CNTN1: variants seen among roughly 807,000 people sequenced by gnomAD.
CNTN1 encodes contactin-1.
CNTN1 carries 38 observed loss-of-function variants against 126.4 expected under a neutral mutation model. The ratio of observed to expected loss-of-function variants is 0.30; its 90% CI spans 0.23 to 0.39. The LOEUF is 0.39. CNTN1 is among the 10% of genes least tolerant of loss of function. The probability of loss-of-function intolerance (pLI) is 1.00; values close to 1 mark genes in which losing one functional copy is unlikely to be tolerated. For missense variants in CNTN1, 1,009 were observed against 1,248.4 expected, an observed-to-expected ratio of 0.81 and a Z score of 2.89; for synonymous variants, 413 against 422.6, an observed-to-expected ratio of 0.98 and a Z score of 0.28.
intron 17 of CNTN1, among the ~76,000 whole-genome samples, chr12:41,007,266 T>C (rs1948522717): frequency 6.6e-6 from 1 of 151,882 alleles, no homozygotes. Flanking sequence ...TTCACCGTTT[T>C]AGCCGGGATG....
chr12:40,909,888 G>A (rs1241556602), intron 2 of CNTN1, among the ~76,000 whole-genome samples, 185 bp from the exon 3 acceptor site: 5 of 151,922 alleles, frequency 3.3e-5, no homozygotes, highest in African/African-American at 1.2e-4. Context: ...AAACTTCGGT[G>A]CTGCAACTAT....
At chr12:40,845,109 G>A (rs1490581180) in intron 1 of CNTN1, among the ~76,000 whole-genome samples, 1 of 152,136 alleles carries the variant, frequency 6.6e-6, no homozygotes, top group African/African-American at 2.4e-5. Context: ...CAATATAAAC[G>A]TAATTTTTCT....
intron 1 of CNTN1, among the ~76,000 whole-genome samples, chr12:40,836,499 A>G (rs1335132037): frequency 6.6e-6 from 1 of 151,978 alleles, no homozygotes; most frequent in African/African-American, 2.4e-5. Flanking sequence ...CCCTGTTGCC[A>G]TGGGCAAAAC....
In CNTN1 at chr12:40,818,581, A is replaced by C. The variant is rs1005444822; in HGVS notation, c.-76-89776A>C. Among the ~76,000 whole-genome samples the C allele has an allele frequency of 5.3e-5, 8 of 152,246 alleles. No homozygotes were observed. The South Asian group carries it at 1.5e-3, about 28-fold the overall frequency. ...TTAGTAATTTCTCTAACCTTTTATC[A>C]AGGTTCTTAGCTTCTTTGCATTGGG... On this transcript the variant is annotated intron_variant, in intron 1 of 23. Transcript: ENST00000551295.
At chr12:40,735,183 T>C (rs974390712) in intron 1 of CNTN1, among the ~76,000 whole-genome samples, 1 of 152,086 alleles carries the variant, frequency 6.6e-6, no homozygotes, top group African/African-American at 2.4e-5. Context: ...TCTCTCCCCA[T>C]AAACTCTCAG....
At chr12:40,994,652 G>T (rs1482268929) in intron 17 of CNTN1, among the ~76,000 whole-genome samples, 1 of 151,930 alleles carries the variant, frequency 6.6e-6, no homozygotes, top group Non-Finnish European at 1.5e-5. Flanking sequence ...CTGGCTATGT[G>T]GTATCTGTCT....
chr12:40,901,231 A>G (rs1944592765), intron 1 of CNTN1, among the ~76,000 whole-genome samples: 1 of 152,132 alleles, frequency 6.6e-6, no homozygotes, highest in African/African-American at 2.4e-5. Context: ...TAAATTCTCT[A>G]TGTTTTAGTA....
intron 1 of CNTN1, among the ~76,000 whole-genome samples, chr12:40,731,295 A>G (rs1390605256): frequency 6.6e-6 from 1 of 152,058 alleles, no homozygotes; most frequent in Non-Finnish European, 1.5e-5. Flanking sequence ...ACAATAAAGC[A>G]AATACTATGA....
chr12:40,885,660 T>G (rs1944004816), intron 1 of CNTN1, among the ~76,000 whole-genome samples: 1 of 152,074 alleles, frequency 6.6e-6, no homozygotes, highest in Non-Finnish European at 1.5e-5. Flanking sequence ...TAGTAAGTGC[T>G]ATGTATGCAT....
chr12:41,002,839 G>A (rs1163430072), intron 17 of CNTN1, among the ~76,000 whole-genome samples: 2 of 152,176 alleles, frequency 1.3e-5, no homozygotes, highest in Non-Finnish European at 2.9e-5. Context: ...TTACAGGCAT[G>A]AGCTGCTGCA....
chr12:40,711,250 AC>A (rs775065041), intron 1 of CNTN1, among the ~76,000 whole-genome samples: 2 of 151,910 alleles, frequency 1.3e-5, no homozygotes, highest in Non-Finnish European at 2.9e-5. Flanking sequence ...CTGCCTTCAA[AC>A]TTTTGGGTTA....
At chr12:40,850,423 T>C (rs1942675222) in intron 1 of CNTN1, among the ~76,000 whole-genome samples, 1 of 152,160 alleles carries the variant, frequency 6.6e-6, no homozygotes, top group Non-Finnish European at 1.5e-5. Flanking sequence ...CCTGCAGGGC[T>C]ATCCAGAAGG....
At chr12:40,974,982 G>A (rs1489736394) in intron 15 of CNTN1, among the ~76,000 whole-genome samples, 3 of 151,642 alleles carry the variant, frequency 2.0e-5, no homozygotes, top group Non-Finnish European at 2.9e-5. Flanking sequence ...TGTCATCCAG[G>A]TAATTACTTG....
intron 1 of CNTN1, among the ~76,000 whole-genome samples, chr12:40,696,129 T>C (rs1030540764): frequency 2.0e-5 from 3 of 152,224 alleles, no homozygotes; most frequent in African/African-American, 7.2e-5. Flanking sequence ...CCATGGTAAT[T>C]ACTCATAAAG....
At chr12:40,996,929 G>A (rs1216771322) in intron 17 of CNTN1, among the ~76,000 whole-genome samples, 1 of 152,156 alleles carries the variant, frequency 6.6e-6, no homozygotes, top group Non-Finnish European at 1.5e-5. Flanking sequence ...ATGCTATGTG[G>A]GACAAAGGCT....
chr12:40,988,081 G>C (rs1307306788), intron 16 of CNTN1, among the ~76,000 whole-genome samples: 1 of 152,028 alleles, frequency 6.6e-6, no homozygotes, highest in Non-Finnish European at 1.5e-5. Flanking sequence ...AACACAGCTT[G>C]CTTTACTTTT....
chr12:40,861,622 ACT>A (rs1943117650), intron 1 of CNTN1, among the ~76,000 whole-genome samples: 1 of 151,932 alleles, frequency 6.6e-6, no homozygotes, highest in Admixed American at 6.6e-5. Flanking sequence ...AGATTCACTC[ACT>A]CTATAATAAT....
intron 1 of CNTN1, chr12:40,828,265 T>C (rs1399938613): frequency 6.6e-6 from 1 of 152,166 alleles, no homozygotes; most frequent in East Asian, 1.9e-4. Flanking sequence ...TTGCAATAGA[T>C]ATTATACCCA....
At chr12:40,814,695 A>C (rs955242006) in intron 1 of CNTN1, among the ~76,000 whole-genome samples, 2 of 152,084 alleles carry the variant, frequency 1.3e-5, no homozygotes, top group Admixed American at 1.3e-4. Flanking sequence ...TTTTGGTTCC[A>C]TATGAACTTT....
Sources: allele counts gnomAD v4.1 joint callset (sites outside exome capture counted in the v4.1 genomes callset), GRCh38; gene constraint gnomAD v4.1.1; transcripts MANE v1.5; gene names NCBI Gene and HGNC (gene_info 2026-07-23, HGNC 2026-07-21).